The following LRGUK variants were observed in gnomAD, a reference collection of about 807,000 sequenced individuals.
The protein encoded by LRGUK is leucine rich repeats and guanylate kinase domain containing, also known as leucine-rich repeat and guanylate kinase domain-containing protein.
LRGUK carries 65 observed loss-of-function variants against 76.0 expected under a neutral mutation model. The ratio of observed to expected loss-of-function variants is 0.85; its 90% CI spans 0.70 to 1.05. The LOEUF is 1.05. Among genes scored for constraint, LRGUK ranks in the 50% least tolerant of loss-of-function variants. LRGUK has a pLI of 0.00. For missense variants in LRGUK, 758 were observed against 732.8 expected, an observed-to-expected ratio of 1.03 and a Z score of -0.40; for synonymous variants, 268 against 265.6, an observed-to-expected ratio of 1.01 and a Z score of -0.09.
At chr7:134,163,345 A>G in intron 6 of LRGUK, 52 bp from the exon 7 acceptor site, 2 of 1,515,706 alleles carry the variant, frequency 1.3e-6, no homozygotes, top group Non-Finnish European at 1.8e-6. Context: ...TGCCATTACA[A>G]CTTTTCCTTG....
intron 15 of LRGUK, among the ~76,000 whole-genome samples, chr7:134,203,632 G>T (rs1800880047): frequency 6.6e-6 from 1 of 152,172 alleles, no homozygotes; most frequent in Admixed American, 6.5e-5. Flanking sequence ...CTGCTGACTG[G>T]AATGTTCCTG....
At chr7:134,142,338 T>G (rs1797800830) in intron 3 of LRGUK, among the ~76,000 whole-genome samples, 1 of 152,242 alleles carries the variant, frequency 6.6e-6, no homozygotes, top group Non-Finnish European at 1.5e-5. Context: ...CTGTGTCTGC[T>G]GTAAAGTCAT....
chr7:134,168,766 G>C (rs968015231), intron 7 of LRGUK, among the ~76,000 whole-genome samples: 2 of 152,148 alleles, frequency 1.3e-5, no homozygotes, highest in Non-Finnish European at 2.9e-5. Flanking sequence ...GGGTGACAGT[G>C]CTGCCATCCA....
At chr7:134,145,800 C>A (rs17167496) in intron 4 of LRGUK, among the ~76,000 whole-genome samples, 18,531 of 152,216 alleles carry the variant, frequency 0.12, 1,427 homozygotes, top group East Asian at 0.33. Flanking sequence ...CCTTGTACCA[C>A]CAACCAGAGA....
exon 8 of LRGUK, chr7:134,174,581 A>T: frequency 6.2e-7 from 1 of 1,608,264 alleles, no homozygotes; most frequent in East Asian, 2.2e-5. Flanking sequence ...GAAATAGAAT[A>T]CATTAAAAAT....
chr7:134,252,045 G>T (rs1276355277), intron 18 of LRGUK, among the ~76,000 whole-genome samples: 4 of 152,068 alleles, frequency 2.6e-5, no homozygotes, highest in South Asian at 2.1e-4. Context: ...TGTATAAAGG[G>T]AGCCTAGGCC....
At position 134,247,539 on chromosome 7, in the gene LRGUK, T is replaced by C. The variant is rs964401729; in HGVS notation, c.1984-17T>C. 1 of 1,583,856 alleles carries C rather than the reference T, an allele frequency of 6.3e-7. No homozygotes were observed. On this transcript the variant is annotated splice_polypyrimidine_tract_variant and intron_variant, in intron 16 of 19. Coordinates refer to the LRGUK transcript ENST00000285928. ...TTTTAACATCAATGCAATTTTCTAA[T>C]GACATTTCTTACCTAGGAAAGAGAT... is the stretch of plus-strand genomic sequence containing the variant.
At chr7:134,241,394 G>T (rs1358333527) in intron 16 of LRGUK, among the ~76,000 whole-genome samples, 2 of 152,016 alleles carry the variant, frequency 1.3e-5, no homozygotes, top group Non-Finnish European at 2.9e-5. Context: ...AAAAAAGCAG[G>T]GGTTGCAATC....
chr7:134,205,316 G>A (rs940464590), intron 15 of LRGUK, among the ~76,000 whole-genome samples: 2 of 152,140 alleles, frequency 1.3e-5, no homozygotes, highest in Non-Finnish European at 2.9e-5. Context: ...TTGTAAGACA[G>A]GAAAGTTCCC....
At chr7:134,161,463 G>T (rs1387430858) in intron 6 of LRGUK, among the ~76,000 whole-genome samples, 1 of 151,800 alleles carries the variant, frequency 6.6e-6, no homozygotes, top group African/African-American at 2.4e-5. Context: ...AAAATAAGAA[G>T]AATACTATGA....
intron 1 of LRGUK, among the ~76,000 whole-genome samples, chr7:134,127,912 C>A (rs1336398134): frequency 6.6e-6 from 1 of 151,814 alleles, no homozygotes; most frequent in East Asian, 1.9e-4. Context: ...TCTTATGAGT[C>A]GAGTTAACAC....
At chr7:134,263,770 A>T in intron 19 of LRGUK, 75 bp from the exon 20 acceptor site, 2 of 1,381,480 alleles carry the variant, frequency 1.4e-6, no homozygotes, top group Non-Finnish European at 2.0e-6. Context: ...TCTGGTGCTT[A>T]TATCATGCAA....
intron 16 of LRGUK, among the ~76,000 whole-genome samples, chr7:134,224,492 A>G (rs566973604): frequency 6.6e-6 from 1 of 152,174 alleles, no homozygotes; most frequent in Admixed American, 6.5e-5. Flanking sequence ...CTTATAAATG[A>G]TGAGGACACA....
chr7:134,169,350 G>A (rs1227032543), intron 7 of LRGUK, among the ~76,000 whole-genome samples: 4 of 152,250 alleles, frequency 2.6e-5, no homozygotes, highest in South Asian at 2.1e-4. Flanking sequence ...CTGACACCTT[G>A]ATTTCAGACT....
intron 10 of LRGUK, among the ~76,000 whole-genome samples, chr7:134,183,447 A>G (rs943871132): frequency 2.0e-5 from 3 of 152,204 alleles, no homozygotes; most frequent in African/African-American, 4.8e-5. Context: ...TTGGGGAGGA[A>G]TATTTCACTC....
chr7:134,241,942 C>T (rs1293875001), intron 16 of LRGUK, among the ~76,000 whole-genome samples: 2 of 152,186 alleles, frequency 1.3e-5, no homozygotes, highest in Non-Finnish European at 2.9e-5. Flanking sequence ...GAACAACCTG[C>T]TCCTGAATGA....
chr7:134,239,724 G>A (rs1802094393), intron 16 of LRGUK, among the ~76,000 whole-genome samples: 1 of 152,218 alleles, frequency 6.6e-6, no homozygotes, highest in Non-Finnish European at 1.5e-5. Context: ...CACAGAGTTT[G>A]AGATCTGAGA....
intron 1 of LRGUK, among the ~76,000 whole-genome samples, chr7:134,135,938 G>C (rs769227598): frequency 1.3e-5 from 2 of 152,226 alleles, no homozygotes; most frequent in African/African-American, 4.8e-5. Context: ...TTACAGGCGT[G>C]AGCCACCGCG....
chr7:134,251,077 C>T (rs1351865702), intron 18 of LRGUK, among the ~76,000 whole-genome samples: 1 of 152,146 alleles, frequency 6.6e-6, no homozygotes, highest in Non-Finnish European at 1.5e-5. Context: ...TTTCCCAAAA[C>T]ATATGTGTTA....
Sources: allele counts gnomAD v4.1 joint callset (sites outside exome capture counted in the v4.1 genomes callset), GRCh38; gene constraint gnomAD v4.1.1; transcripts MANE v1.5; gene names NCBI Gene and HGNC (gene_info 2026-07-23, HGNC 2026-07-21).